The following ATAD2B variants were observed in gnomAD, a reference collection of about 807,000 sequenced individuals.
ATAD2B encodes the protein ATPase family AAA domain-containing protein 2B.
ATAD2B carries 40 observed loss-of-function variants against 167.6 expected under a neutral mutation model. The observed-to-expected ratio is 0.24, with a 90% confidence interval of 0.19 to 0.31. ATAD2B has a LOEUF of 0.31. Ranked by LOEUF, ATAD2B falls within the 10% of genes least tolerant of loss-of-function variation. The pLI is 1.00. For missense variants in ATAD2B, 1,242 were observed against 1,757.2 expected (o/e 0.71, Z 5.24); for synonymous variants, 579 against 596.5 (o/e 0.97, Z 0.43).
the ATAD2B span, among the ~76,000 whole-genome samples, chr2:23,685,856 G>A: frequency 0.014 from 2,145 of 152,300 alleles, 27 homozygotes; most frequent in Middle Eastern, 0.048. Flanking sequence ...TCGGGCTGCC[G>A]GATCATGGAT....
chr2:23,857,592 GGT>G, intron 12 of ATAD2B, 89 bp from the exon 13 acceptor site: 1 of 561,378 alleles, frequency 1.8e-6, no homozygotes, highest in Non-Finnish European at 2.9e-6. Context: ...AAAAGCAAAT[GGT>G]ACAACATGCA....
the ATAD2B span, chr2:23,703,964 C>T: frequency 3.0e-6 from 4 of 1,336,346 alleles, no homozygotes; most frequent in Non-Finnish European, 3.0e-6. Context: ...ATAGCAATTC[C>T]CAGGCCCAGA....
intron 15 of ATAD2B, among the ~76,000 whole-genome samples, chr2:23,826,291 T>A (rs1169286481): frequency 6.6e-6 from 1 of 152,196 alleles, no homozygotes; most frequent in Non-Finnish European, 1.5e-5. Flanking sequence ...GGGTTATACT[T>A]AGGGTAACCA....
chr2:23,790,224 C>G (rs1000538916), intron 19 of ATAD2B, among the ~76,000 whole-genome samples: 2 of 151,996 alleles, frequency 1.3e-5, no homozygotes, highest in Non-Finnish European at 2.9e-5. Context: ...TCTCTGCTGT[C>G]AAAGATTTTA....
At chr2:23,921,412 T>C (rs1433453120) in intron 1 of ATAD2B, among the ~76,000 whole-genome samples, 1 of 152,112 alleles carries the variant, frequency 6.6e-6, no homozygotes, top group Non-Finnish European at 1.5e-5. Flanking sequence ...CTGGTTGGGC[T>C]TCTCAGTTCT....
intron 1 of ATAD2B, among the ~76,000 whole-genome samples, chr2:23,914,635 C>T (rs535131750): frequency 7.2e-5 from 11 of 152,060 alleles, no homozygotes; most frequent in Admixed American, 3.3e-4. Context: ...GTCAGGAGAT[C>T]GAGACCATCC....
chr2:23,783,759 T>C (rs1489459067), intron 21 of ATAD2B, among the ~76,000 whole-genome samples: 1 of 152,122 alleles, frequency 6.6e-6, no homozygotes, highest in East Asian at 1.9e-4. Flanking sequence ...CTTATGTATC[T>C]ACTGCCTTCC....
At chr2:23,888,119 T>C (rs1698960826) in intron 3 of ATAD2B, 134 bp from the exon 4 acceptor site, 2 of 767,384 alleles carry the variant, frequency 2.6e-6, no homozygotes, top group Non-Finnish European at 3.9e-6. Flanking sequence ...TAATAGTCAA[T>C]AATCTAAAAT....
the ATAD2B span, among the ~76,000 whole-genome samples, chr2:23,712,609 A>AT: frequency 1.3e-5 from 2 of 152,206 alleles, no homozygotes; most frequent in Non-Finnish European, 2.9e-5. Context: ...CAAAGGGAAT[A>AT]TCATGACCTT....
chr2:23,847,461 C>T (rs1161573061), intron 13 of ATAD2B, among the ~76,000 whole-genome samples: 2 of 151,520 alleles, frequency 1.3e-5, no homozygotes, highest in African/African-American at 4.9e-5. Flanking sequence ...GCAGAGATTG[C>T]GCCACTGCAC....
intron 1 of ATAD2B, among the ~76,000 whole-genome samples, chr2:23,921,345 T>G (rs1233471979): frequency 6.6e-6 from 1 of 151,448 alleles, no homozygotes; most frequent in Non-Finnish European, 1.5e-5. Context: ...TAATTCAAAG[T>G]AATATGGCAC....
At chr2:23,840,951 GA>G (rs1350096500) in intron 13 of ATAD2B, among the ~76,000 whole-genome samples, 1 of 152,174 alleles carries the variant, frequency 6.6e-6, no homozygotes, top group East Asian at 1.9e-4. Flanking sequence ...CTGTCATCCA[GA>G]ATGGAGTACA....
chr2:23,703,789 T>C, the ATAD2B span: 768,087 of 1,536,778 alleles, frequency 0.5, 196,107 homozygotes, highest in East Asian at 0.81. Flanking sequence ...ATGCCAGAGC[T>C]ACCACCATCT....
At chr2:23,780,585 C>G (rs1014573831) in intron 22 of ATAD2B, among the ~76,000 whole-genome samples, 3 of 152,050 alleles carry the variant, frequency 2.0e-5, no homozygotes, top group Admixed American at 6.6e-5. Context: ...TTGAGAACCA[C>G]TGCCTCAAAA....
At chr2:23,732,199 T>C in the ATAD2B span, among the ~76,000 whole-genome samples, 11 of 152,118 alleles carry the variant, frequency 7.2e-5, no homozygotes, top group Admixed American at 4.6e-4. Flanking sequence ...AGGGATTCAA[T>C]TGGCAAAATC....
chr2:23,681,160 G>A, the ATAD2B span, among the ~76,000 whole-genome samples: 2 of 152,374 alleles, frequency 1.3e-5, no homozygotes, highest in Non-Finnish European at 2.9e-5. This position sits in a 1 kb window ranked among gnomAD's most constrained non-coding sequence, Gnocchi z 4.2. Flanking sequence ...CGGGCAGGCA[G>A]TGGGCAGCAG....
chr2:23,829,493 G>T (rs765902530), intron 14 of ATAD2B, among the ~76,000 whole-genome samples: 2 of 152,194 alleles, frequency 1.3e-5, no homozygotes, highest in Admixed American at 1.3e-4. Flanking sequence ...GCTCACACCT[G>T]CAATCCCAGC....
chr2:23,732,899 T>C, the ATAD2B span, among the ~76,000 whole-genome samples: 1 of 152,180 alleles, frequency 6.6e-6, no homozygotes. Flanking sequence ...CAAATCCTGG[T>C]TATGCTATTT....
At chr2:23,810,610 G>A in intron 17 of ATAD2B, 108 bp from the exon 18 acceptor site, 1 of 826,014 alleles carries the variant, frequency 1.2e-6, no homozygotes. Flanking sequence ...CAAATTAACA[G>A]AACTTTCCTA....
Sources: allele counts gnomAD v4.1 joint callset (sites outside exome capture counted in the v4.1 genomes callset), GRCh38; gene constraint gnomAD v4.1.1; non-coding constraint Gnocchi (gnomAD v3.1); transcripts MANE v1.5; gene names NCBI Gene and HGNC (gene_info 2026-07-23, HGNC 2026-07-21).